ECT2: variants seen among roughly 807,000 people sequenced by gnomAD.
ECT2 encodes the protein epithelial cell transforming 2.
ECT2 carries 61 observed loss-of-function variants against 116.9 expected under a neutral mutation model. The observed-to-expected ratio is 0.52, with a 90% confidence interval of 0.42 to 0.65. ECT2 has a LOEUF of 0.65. ECT2 is among the 30% of genes least tolerant of loss of function. ECT2 has a pLI of 0.00. For synonymous variants in ECT2, 358 were observed against 346.4 expected (o/e 1.03, Z -0.37); for missense variants, 937 against 1,078.7 (o/e 0.87, Z 1.84).
At chr3:172,761,032 C>T (rs1718186598) in intron 7 of ECT2, among the ~76,000 whole-genome samples, 2 of 152,032 alleles carry the variant, frequency 1.3e-5, no homozygotes, top group South Asian at 4.2e-4. Flanking sequence ...TCTAAGTGCC[C>T]TTCATAAGAA....
chr3:172,823,740 AT>A (rs2109461302), downstream of ECT2, among the ~76,000 whole-genome samples: 1 of 152,326 alleles, frequency 6.6e-6, no homozygotes, highest in Non-Finnish European at 1.5e-5. Context: ...TAATTTAAAA[AT>A]ACATGATTGC....
chr3:172,806,658 T>C (rs1038521236), intron 21 of ECT2, among the ~76,000 whole-genome samples: 1 of 145,762 alleles, frequency 6.9e-6, no homozygotes, highest in Non-Finnish European at 1.5e-5. Flanking sequence ...TGGGTTTTTT[T>C]TTTTTTTTTT....
At chr3:172,822,454 G>A (rs1002390596), downstream of ECT2, among the ~76,000 whole-genome samples, 1 of 151,932 alleles carries the variant, frequency 6.6e-6, no homozygotes. Context: ...AAGCCATAAT[G>A]CTAAGTGTAG....
chr3:172,757,618 T>C (rs1265658532), intron 5 of ECT2, among the ~76,000 whole-genome samples: 2 of 151,948 alleles, frequency 1.3e-5, no homozygotes, highest in Admixed American at 6.6e-5. Flanking sequence ...CGTTTCACCA[T>C]GTTAGCCAGG....
At chr3:172,791,571 C>T (rs910877203) in intron 18 of ECT2, among the ~76,000 whole-genome samples, 15 of 152,210 alleles carry the variant, frequency 9.9e-5, no homozygotes, top group African/African-American at 3.6e-4. Flanking sequence ...GCTTCTTAAA[C>T]TTCCATGAAC....
intron 22 of ECT2, among the ~76,000 whole-genome samples, chr3:172,810,427 CAT>C (rs1376818053): frequency 6.6e-6 from 1 of 152,046 alleles, no homozygotes; most frequent in Non-Finnish European, 1.5e-5. Context: ...AACGATTGGA[CAT>C]ATATTAAAAG....
At chr3:172,771,034 G>A (rs538053285) in intron 13 of ECT2, among the ~76,000 whole-genome samples, 33 of 152,254 alleles carry the variant, frequency 2.2e-4, no homozygotes, top group African/African-American at 7.5e-4. Context: ...GGTAATGATC[G>A]AAGTGAACTT....
At chr3:172,757,460 G>A (rs1229629744) in intron 5 of ECT2, among the ~76,000 whole-genome samples, 1 of 135,284 alleles carries the variant, frequency 7.4e-6, no homozygotes, top group Admixed American at 8.8e-5. Flanking sequence ...TCTGTGCCCA[G>A]GCTGGAGTGC....
At chr3:172,789,964 T>TA (rs1724351205) in intron 18 of ECT2, among the ~76,000 whole-genome samples, 1 of 152,176 alleles carries the variant, frequency 6.6e-6, no homozygotes, top group Admixed American at 6.5e-5. Flanking sequence ...TCCAAACTAT[T>TA]AATGTCGATG....
intron 6 of ECT2, 130 bp downstream of exon 6, chr3:172,759,199 G>A: frequency 1.7e-6 from 1 of 598,986 alleles, no homozygotes; most frequent in Non-Finnish European, 2.7e-6. Context: ...GGCTATACCA[G>A]ATTTTAAATT....
chr3:172,808,038 G>A (rs1728094716), intron 22 of ECT2, 114 bp downstream of exon 22: 1 of 1,050,268 alleles, frequency 9.5e-7, no homozygotes, highest in African/African-American at 1.6e-5. Context: ...TTTTAGTTTT[G>A]TGTATATTAA....
chr3:172,807,006 T>C (rs1428237412), intron 21 of ECT2, among the ~76,000 whole-genome samples: 1 of 152,154 alleles, frequency 6.6e-6, no homozygotes, highest in East Asian at 1.9e-4. Flanking sequence ...AGTTGACAAA[T>C]TCTGGATTTA....
chr3:172,758,320 G>C (rs1027319335), intron 5 of ECT2, among the ~76,000 whole-genome samples: 1 of 152,124 alleles, frequency 6.6e-6, no homozygotes, highest in Non-Finnish European at 1.5e-5. Context: ...ATAAGCACAT[G>C]TTAACCTTTA....
At position 172,807,922 on chromosome 3, in the gene ECT2, G is replaced by T; in HGVS notation, c.2398G>T (p.Ala800Ser). The T allele has an allele frequency of 1.2e-6, 2 of 1,612,612 alleles. No individual in the cohort carries two copies. Among genetic ancestry groups the T allele is most frequent in the Non-Finnish European group, 1.7e-6 (2 of 1,179,176 alleles). The change falls in exon 22 of 25, where the codon GCT (alanine) becomes TCT (serine). Residue 800 changes from alanine (A) to serine (S), a missense_variant and splice_region_variant. Coordinates refer to ENST00000392692, the MANE Select transcript of ECT2 (RefSeq NM_001258315.2). ...HVANTICKADAENLIYTADPE... is the reference protein window; with the variant it reads ...HVANTICKADSENLIYTADPE... Reference sequence around the variant, plus strand: ...AGCTAACACCATTTGTAAAGCAGATGCTGTAAGTTCTTAAAACAGTATTAT... The same window carrying T: ...AGCTAACACCATTTGTAAAGCAGATTCTGTAAGTTCTTAAAACAGTATTAT...
At chr3:172,795,178 C>T (rs1019014143) in intron 18 of ECT2, among the ~76,000 whole-genome samples, 1 of 151,796 alleles carries the variant, frequency 6.6e-6, no homozygotes, top group Admixed American at 6.6e-5. Flanking sequence ...CAAAAATTAG[C>T]CAGGCATGGT....
chr3:172,802,821 T>C (rs1726965031), intron 19 of ECT2, 40 bp from the exon 20 acceptor site: 1 of 1,583,166 alleles, frequency 6.3e-7, no homozygotes, highest in African/African-American at 1.4e-5. Context: ...AATTACTTGA[T>C]ACCAAGTGAT....
chr3:172,802,097 T>C (rs1230150949), intron 18 of ECT2, among the ~76,000 whole-genome samples: 2 of 142,144 alleles, frequency 1.4e-5, no homozygotes, highest in South Asian at 2.4e-4. Context: ...TATGGATGTT[T>C]TGTTTTTGTT....
intron 1 of ECT2, chr3:172,752,604 A>C (rs1281959072): frequency 6.6e-6 from 1 of 152,110 alleles, no homozygotes; most frequent in Non-Finnish European, 1.5e-5. Flanking sequence ...GCTGGATAGA[A>C]TTTATCATTG....
the ECT2 span, among the ~76,000 whole-genome samples, chr3:172,826,955 A>C: frequency 1.3e-5 from 2 of 152,350 alleles, no homozygotes; most frequent in Admixed American, 1.3e-4. Flanking sequence ...AGGAAAAAAG[A>C]TCCAATTTTA....
Sources: gnomAD v4.1 joint callset for allele counts (sites outside exome capture counted in the v4.1 genomes callset) on GRCh38, gnomAD v4.1.1 for gene constraint, MANE v1.5 for transcripts, NCBI Gene and HGNC (gene_info 2026-07-23, HGNC 2026-07-21) for gene names.